Variants in HDAC9 observed in about 807,000 individuals in gnomAD.
The protein encoded by HDAC9 is histone deacetylase 9.
HDAC9 carries 41 observed loss-of-function variants against 139.4 expected under a neutral mutation model. The ratio of observed to expected loss-of-function variants is 0.29; its 90% confidence interval spans 0.23 to 0.38. The LOEUF (loss-of-function observed/expected upper bound fraction) is 0.38. Ranked by LOEUF, HDAC9 falls within the 10% of genes least tolerant of loss-of-function variation. The pLI is 1.00. For synonymous variants in HDAC9, 517 were observed against 476.2 expected (o/e 1.09, Z -1.12); for missense variants, 1,147 against 1,297.0 (o/e 0.88, Z 1.78).
intron 1 of HDAC9, among the ~76,000 whole-genome samples, chr7:18,351,521 A>G (rs564051438): frequency 1.3e-5 from 2 of 152,216 alleles, no homozygotes; most frequent in South Asian, 2.1e-4. Context: ...AATGCTTTTT[A>G]TAATGGGAGG....
At chr7:18,618,358 G>T (rs911375251) in intron 6 of HDAC9, among the ~76,000 whole-genome samples, 2 of 152,034 alleles carry the variant, frequency 1.3e-5, no homozygotes, top group African/African-American at 4.8e-5. Flanking sequence ...ACTCTTAGGA[G>T]GGTAACAAGA....
At chr7:18,124,252 GT>G (rs1434705946) in intron 1 of HDAC9, among the ~76,000 whole-genome samples, 2 of 152,184 alleles carry the variant, frequency 1.3e-5, no homozygotes, top group East Asian at 3.8e-4. Context: ...TTGGGTGAAT[GT>G]TATCTATGTC....
rs144199836 is a variant in HDAC9 at position 18,439,025 on chromosome 7, A to G, written c.-41-57237A>G. On this transcript the variant is annotated intron_variant, in intron 1 of 3. Coordinates refer to the HDAC9 transcript ENST00000413509. ...ATATGACATCATCCTTAGTATTTGTACTTCCATATAATGTATATTAGATGT... is the reference window on the plus strand; with the variant it reads ...ATATGACATCATCCTTAGTATTTGTGCTTCCATATAATGTATATTAGATGT... 3.9e-3 allele frequency among the ~76,000 whole-genome samples: 597 copies of G among 152,254 alleles called. 1 individual carries two copies. The highest frequency in any genetic ancestry group is 0.013 in the African/African-American group (557 of 41,572).
intron 13 of HDAC9, among the ~76,000 whole-genome samples, chr7:18,731,043 A>T (rs1252313702): frequency 6.6e-6 from 1 of 152,184 alleles, no homozygotes; most frequent in Non-Finnish European, 1.5e-5. Flanking sequence ...GGAGAAAGGG[A>T]TAATTCACAT....
intron 1 of HDAC9, among the ~76,000 whole-genome samples, chr7:18,125,367 C>T (rs1784594428): frequency 1.3e-5 from 2 of 151,984 alleles, no homozygotes; most frequent in Non-Finnish European, 2.9e-5. Context: ...CGCTGAGTTT[C>T]TAGGACTTTC....
At chr7:18,919,966 A>C (rs1336939189) in intron 22 of HDAC9, among the ~76,000 whole-genome samples, 2 of 152,002 alleles carry the variant, frequency 1.3e-5, no homozygotes, top group Non-Finnish European at 2.9e-5. Flanking sequence ...CTTAGGATTG[A>C]CTTGGCAATG....
chr7:18,321,387 C>T (rs1388815423), intron 1 of HDAC9, among the ~76,000 whole-genome samples: 2 of 152,022 alleles, frequency 1.3e-5, no homozygotes, highest in African/African-American at 4.8e-5. Flanking sequence ...TTCCATGTAC[C>T]ACACAAGAGA....
intron 2 of HDAC9, among the ~76,000 whole-genome samples, chr7:18,504,612 A>G (rs1334803787): frequency 6.6e-6 from 1 of 152,256 alleles, no homozygotes; most frequent in African/African-American, 2.4e-5. Flanking sequence ...GCCTAGTTCC[A>G]ATTTTAGAGG....
At chr7:18,718,701 T>C (rs1784902931) in intron 12 of HDAC9, among the ~76,000 whole-genome samples, 1 of 152,216 alleles carries the variant, frequency 6.6e-6, no homozygotes. Context: ...TGTTTGTACT[T>C]TGGGCTTTCA....
At chr7:18,781,854 A>G (rs1791268423) in intron 16 of HDAC9, among the ~76,000 whole-genome samples, 1 of 152,114 alleles carries the variant, frequency 6.6e-6, no homozygotes, top group Admixed American at 6.6e-5. Context: ...AAGTTACCAA[A>G]TCAAGATGCT....
intron 13 of HDAC9, among the ~76,000 whole-genome samples, chr7:18,733,199 G>A (rs980426907): frequency 8.9e-5 from 13 of 145,948 alleles, no homozygotes; most frequent in African/African-American, 2.8e-4. Flanking sequence ...ATATATACAC[G>A]TGTATACATG....
intron 1 of HDAC9, among the ~76,000 whole-genome samples, chr7:18,157,169 C>G (rs74335792): frequency 6.6e-6 from 1 of 152,200 alleles, no homozygotes; most frequent in South Asian, 2.1e-4. Context: ...CATGGACACG[C>G]GAATGATACT....
intron 16 of HDAC9, among the ~76,000 whole-genome samples, chr7:18,782,869 C>G (rs1791368930): frequency 6.6e-6 from 1 of 151,890 alleles, no homozygotes; most frequent in Non-Finnish European, 1.5e-5. Context: ...AATGAACTTG[C>G]CCGTGTTTGA....
chr7:18,204,230 G>A (rs1791336655), intron 2 of HDAC9, among the ~76,000 whole-genome samples: 1 of 151,684 alleles, frequency 6.6e-6, no homozygotes, highest in Non-Finnish European at 1.5e-5. Context: ...GTGGTTGTTT[G>A]ATAATCTGTA....
chr7:18,806,252 G>C (rs1463177917), intron 17 of HDAC9, among the ~76,000 whole-genome samples: 4 of 152,158 alleles, frequency 2.6e-5, no homozygotes, highest in Non-Finnish European at 5.9e-5. Context: ...CCCAAATTTG[G>C]TGGCTTAAAA....
chr7:18,931,948 C>G (rs1473836043), intron 22 of HDAC9, among the ~76,000 whole-genome samples: 3 of 152,030 alleles, frequency 2.0e-5, no homozygotes. Context: ...TTGTCAAAAC[C>G]CACAGAATGT....
chr7:18,274,050 G>T (rs1796556752), intron 2 of HDAC9, among the ~76,000 whole-genome samples: 1 of 152,016 alleles, frequency 6.6e-6, no homozygotes, highest in Non-Finnish European at 1.5e-5. Flanking sequence ...TATTTTATAA[G>T]GACCCAGAAA....
At chr7:18,398,696 A>T (rs79943100) in intron 1 of HDAC9, among the ~76,000 whole-genome samples, 6,460 of 152,166 alleles carry the variant, frequency 0.042, 366 homozygotes, top group African/African-American at 0.14. Context: ...TGGTTAAACT[A>T]AGTTTAGCCA....
At chr7:18,429,526 A>G (rs1192197968) in intron 1 of HDAC9, among the ~76,000 whole-genome samples, 2 of 150,888 alleles carry the variant, frequency 1.3e-5, no homozygotes, top group Non-Finnish European at 2.9e-5. Flanking sequence ...GCTATCCATA[A>G]GTTTGACTCT....
Sources: allele counts gnomAD v4.1 joint callset (sites outside exome capture counted in the v4.1 genomes callset), GRCh38; gene constraint gnomAD v4.1.1; transcripts MANE v1.5; gene names NCBI Gene and HGNC (gene_info 2026-07-23, HGNC 2026-07-21).